Variants in DYRK4 observed in about 807,000 individuals in gnomAD.
DYRK4 encodes dual specificity tyrosine-phosphorylation-regulated kinase 4.
Under a neutral mutation model 68.3 loss-of-function variants are expected in DYRK4, and 64 were observed. The ratio of observed to expected loss-of-function variants is 0.94; its 90% CI spans 0.77 to 1.15. The LOEUF is 1.15. Ranked by LOEUF, DYRK4 falls within the 50% of genes most tolerant of loss-of-function variation. The pLI, the probability that DYRK4 is intolerant of heterozygous loss-of-function variation, is 0.00. For missense variants in DYRK4, 740 were observed against 764.7 expected, an observed-to-expected ratio of 0.97 and a Z score of 0.38; for synonymous variants, 274 against 289.9, an observed-to-expected ratio of 0.95 and a Z score of 0.56.
chr12:4,604,517 A>G (rs561518814), intron 10 of DYRK4, among the ~76,000 whole-genome samples: 106 of 152,288 alleles, frequency 7.0e-4, no homozygotes, highest in African/African-American at 2.3e-3. Context: ...CTAACTTGAT[A>G]TGCTCCCTTT....
chr12:4,592,987 G>C lies in DYRK4; in HGVS notation c.464-15G>C. On this transcript the variant is annotated splice_polypyrimidine_tract_variant and intron_variant, in intron 5 of 14. Coordinates refer to ENST00000543431, the MANE Select transcript of DYRK4 (RefSeq NM_001394779.1). Reference sequence around the variant, plus strand: ...TGCCTCAACTGAACTCACAATTGTAGTGTTTTTCACACAGAGGCCCTAAAG... The same window carrying C: ...TGCCTCAACTGAACTCACAATTGTACTGTTTTTCACACAGAGGCCCTAAAG... The C allele has an allele frequency of 6.2e-7, 1 of 1,610,714 alleles. No individual in the cohort carries two copies. Among genetic ancestry groups the C allele is most frequent in the Non-Finnish European group, 8.5e-7 (1 of 1,177,992 alleles).
chr12:4,587,192 G>A (rs1944906192), intron 2 of DYRK4, among the ~76,000 whole-genome samples: 1 of 152,116 alleles, frequency 6.6e-6, no homozygotes, highest in Non-Finnish European at 1.5e-5. Context: ...TCCATGCCCT[G>A]TGGTCAACCC....
chr12:4,604,677 A>G (rs564775421), intron 10 of DYRK4, among the ~76,000 whole-genome samples: 1 of 152,362 alleles, frequency 6.6e-6, no homozygotes, highest in South Asian at 2.1e-4. Context: ...TTCCTACGAC[A>G]GTGCCCACGT....
chr12:4,578,427 A>AT (rs1254093342), intron 2 of DYRK4, among the ~76,000 whole-genome samples: 1 of 152,020 alleles, frequency 6.6e-6, no homozygotes, highest in Non-Finnish European at 1.5e-5. Context: ...CAACTGTTAT[A>AT]TTTTTTAGTT....
At chr12:4,605,185 CTTG>C (rs145844490) in intron 11 of DYRK4, 99 bp downstream of exon 11, 769 of 1,038,912 alleles carry the variant, frequency 7.4e-4, no homozygotes, top group Middle Eastern at 1.1e-3. Flanking sequence ...GCCTGCATAC[CTTG>C]TTGTTGTTGT....
chr12:4,581,213 G>A (rs1431187611), intron 2 of DYRK4, among the ~76,000 whole-genome samples: 2 of 152,260 alleles, frequency 1.3e-5, no homozygotes, highest in Admixed American at 6.5e-5. Context: ...GAATAGAGGG[G>A]AAGGCAGAGC....
At position 4,590,429 on chromosome 12, in the gene DYRK4, C is replaced by T; in HGVS notation, c.313C>T (p.Leu105=). The T allele has an allele frequency of 6.5e-7, 1 of 1,535,976 alleles. No individual in the cohort carries two copies. The highest frequency in any genetic ancestry group is 8.7e-7 in the Non-Finnish European group (1 of 1,146,820). Residue 105 remains leucine (L), a synonymous_variant, in exon 4 of 15, where the codon CTG becomes TTG. Coordinates refer to ENST00000543431, the MANE Select transcript of DYRK4 (RefSeq NM_001394779.1). ...CAAGAAAGTCCTGCTGAAGTCATCCCTGCTGTATCAGGTGAGTGCAGACGG... is the reference window on the plus strand; with the variant it reads ...CAAGAAAGTCCTGCTGAAGTCATCCTTGCTGTATCAGGTGAGTGCAGACGG... The part of the protein sequence containing the change: ...ISKKVLLKSS[L]LYQENQAHNQ...
At chr12:4,612,909 C>A in intron 14 of DYRK4, 191 bp downstream of exon 14, 2 of 580,348 alleles carry the variant, frequency 3.4e-6, no homozygotes, top group East Asian at 3.2e-5. Flanking sequence ...TTTCTCTAAC[C>A]TCAACCTGGG....
intron 2 of DYRK4, among the ~76,000 whole-genome samples, chr12:4,586,807 A>G (rs1944902494): frequency 6.6e-6 from 1 of 152,174 alleles, no homozygotes; most frequent in East Asian, 1.9e-4. Flanking sequence ...GGAAATGAGC[A>G]AAGATCGCTC....
intron 3 of DYRK4, among the ~76,000 whole-genome samples, chr12:4,589,723 C>A (rs1034507537): frequency 1.5e-4 from 23 of 152,242 alleles, no homozygotes; most frequent in Middle Eastern, 6.8e-3. Flanking sequence ...TTTATTCATT[C>A]ATCTGTTGAT....
At chr12:4,601,592 A>T (rs1239075296) in intron 10 of DYRK4, among the ~76,000 whole-genome samples, 1 of 152,236 alleles carries the variant, frequency 6.6e-6, no homozygotes, top group African/African-American at 2.4e-5. Context: ...AACTTTTGAC[A>T]TGTAAATGTA....
At chr12:4,563,072 C>T (rs887670564) in intron 1 of DYRK4, 7 of 455,902 alleles carry the variant, frequency 1.5e-5, no homozygotes, top group East Asian at 7.0e-5. Context: ...AGTGGAGACT[C>T]GGCAAAAGCA....
At chr12:4,582,612 G>A (rs4766259) in intron 2 of DYRK4, among the ~76,000 whole-genome samples, 79,948 of 152,000 alleles carry the variant, frequency 0.53, 21,476 homozygotes, top group African/African-American at 0.61. Flanking sequence ...ACAAGAGGGA[G>A]TGGTCACAGA....
At position 4,606,602 on chromosome 12, in the gene DYRK4, G is replaced by T. The variant is rs111997012; in HGVS notation, c.1300-725G>T. On this transcript the variant is annotated intron_variant, in intron 11 of 14. Coordinates refer to ENST00000543431, the MANE Select transcript of DYRK4 (RefSeq NM_001394779.1). The stretch of plus-strand genomic sequence containing the variant: ...ATAAAATGAGGGGAGCAGAGAAGAT[G>T]GCTTCTAAGGTTGATAATGAATGAT... 7.2e-3 allele frequency among the ~76,000 whole-genome samples: 1,103 copies of T among 152,256 alleles called. 21 individuals are homozygous for T. The highest frequency in any genetic ancestry group is 0.025 in the African/African-American group (1,029 of 41,532).
chr12:4,588,462 C>T (rs1309817082), intron 2 of DYRK4, among the ~76,000 whole-genome samples: 3 of 152,184 alleles, frequency 2.0e-5, no homozygotes, highest in African/African-American at 7.2e-5. Context: ...CCCTTCTAGG[C>T]GTGAAGTCTC....
At chr12:4,595,920 A>G (rs1286208739) in intron 6 of DYRK4, among the ~76,000 whole-genome samples, 1 of 152,208 alleles carries the variant, frequency 6.6e-6, no homozygotes, top group African/African-American at 2.4e-5. Flanking sequence ...GACATGGATC[A>G]AGCCTGTGGG....
rs1565544865 is a variant in DYRK4, at chr12:4,612,696, C to A, written c.1644C>A (p.Gly548=). 1 of 1,614,172 alleles carries A rather than the reference C, an allele frequency of 6.2e-7. No individual in the cohort carries two copies. Among genetic ancestry groups the A allele is most frequent in the South Asian group, 1.1e-5 (1 of 91,074 alleles). Residue 548 remains glycine (G), a synonymous_variant, in exon 14 of 15, where the codon GGC becomes GGA. Coordinates refer to ENST00000543431, the MANE Select transcript of DYRK4 (RefSeq NM_001394779.1). The part of the protein sequence containing the change: ...PSETRKDKVQ[G]CHHSSRKDEI... ...AGACAAGGAAGGACAAGGTTCAAGG[C>A]TGTCATCACTCGAGCAGAAAAGGTA...
At chr12:4,586,906 C>T (rs1219731035) in intron 2 of DYRK4, among the ~76,000 whole-genome samples, 1 of 152,228 alleles carries the variant, frequency 6.6e-6, no homozygotes, top group Non-Finnish European at 1.5e-5. Flanking sequence ...CCTTAATCCT[C>T]ACAGTGTTTT....
chr12:4,585,053 C>G (rs915767598), intron 2 of DYRK4, among the ~76,000 whole-genome samples: 2 of 152,182 alleles, frequency 1.3e-5, no homozygotes, highest in Admixed American at 6.5e-5. Flanking sequence ...TGGAGCACCC[C>G]TCACCCGCCA....
Sources: gnomAD v4.1 joint callset for allele counts (sites outside exome capture counted in the v4.1 genomes callset) on GRCh38, gnomAD v4.1.1 for gene constraint, MANE v1.5 for transcripts, NCBI Gene and HGNC (gene_info 2026-07-23, HGNC 2026-07-21) for gene names.